The following MAGI2 variants were observed in gnomAD, a reference collection of about 807,000 sequenced individuals.
MAGI2 encodes membrane associated guanylate kinase, WW and PDZ domain containing 2.
MAGI2 carries 35 observed loss-of-function variants against 133.3 expected under a neutral mutation model. The observed-to-expected ratio is 0.26, with a 90% CI of 0.20 to 0.35. The LOEUF is 0.35. Ranked by LOEUF, MAGI2 falls within the 10% of genes least tolerant of loss-of-function variation. The probability of loss-of-function intolerance (pLI) is 1.00; values close to 1 mark genes in which losing one functional copy is unlikely to be tolerated. For missense variants in MAGI2, 1,636 were observed against 1,863.4 expected (o/e 0.88, Z 2.25); for synonymous variants, 729 against 710.6 (o/e 1.03, Z -0.41).
intron 16 of MAGI2, among the ~76,000 whole-genome samples, chr7:78,144,441 T>A (rs951972587): frequency 6.6e-6 from 1 of 152,220 alleles, no homozygotes; most frequent in Admixed American, 6.5e-5. Context: ...AATTTTTAGT[T>A]AAACCAGTTA....
chr7:78,195,150 T>A, intron 11 of MAGI2, 87 bp from the exon 12 acceptor site: 1 of 1,123,328 alleles, frequency 8.9e-7, no homozygotes, highest in Non-Finnish European at 1.2e-6. Context: ...CTTTTTTGCC[T>A]TGTGGACTTT....
chr7:78,682,991 G>C (rs1815860998), intron 2 of MAGI2, among the ~76,000 whole-genome samples: 1 of 152,130 alleles, frequency 6.6e-6, no homozygotes, highest in Admixed American at 6.6e-5. Flanking sequence ...ATAATAAGTA[G>C]ATTATTGCTA....
At chr7:78,776,552 C>A (rs1826003763) in intron 2 of MAGI2, among the ~76,000 whole-genome samples, 2 of 152,182 alleles carry the variant, frequency 1.3e-5, no homozygotes, top group African/African-American at 4.8e-5. Flanking sequence ...TACCTATAAA[C>A]AAGTCTTTTT....
chr7:78,868,759 A>T (rs56055591), intron 2 of MAGI2, among the ~76,000 whole-genome samples: 1 of 107,470 alleles, frequency 9.3e-6, no homozygotes, highest in Non-Finnish European at 2.1e-5. Context: ...GAAGTAATAC[A>T]TACTTTTTTT....
At chr7:78,463,962 AG>A (rs1444732243) in intron 6 of MAGI2, among the ~76,000 whole-genome samples, 1 of 152,162 alleles carries the variant, frequency 6.6e-6, no homozygotes, top group Non-Finnish European at 1.5e-5. Context: ...CAGATGAACA[AG>A]AGTGAGTTAA....
chr7:78,850,489 C>G (rs1465417118), intron 2 of MAGI2, among the ~76,000 whole-genome samples: 1 of 152,122 alleles, frequency 6.6e-6, no homozygotes, highest in Non-Finnish European at 1.5e-5. Flanking sequence ...TAGCAGCTGA[C>G]AGCTGGCTAA....
chr7:79,349,813 AT>A (rs1371146899), intron 1 of MAGI2, among the ~76,000 whole-genome samples: 1 of 151,982 alleles, frequency 6.6e-6, no homozygotes, highest in Non-Finnish European at 1.5e-5. Flanking sequence ...TTTAGAGCCA[AT>A]TATTTTGACT....
At chr7:78,973,272 T>C (rs1465612335) in intron 2 of MAGI2, among the ~76,000 whole-genome samples, 1 of 151,968 alleles carries the variant, frequency 6.6e-6, no homozygotes, top group African/African-American at 2.4e-5. Flanking sequence ...TATGTCCTTC[T>C]AGGTATAACT....
Position 78,127,188 on chromosome 7 carries a change from A to C in MAGI2, c.3423+9T>G, listed in dbSNP as rs765765464. The stretch of plus-strand genomic sequence containing the variant: ...GTCAGGACCCACCCTGCTCTCCGGG[A>C]GGAGGTACCTGGGGTTGTCTGTAGT... On this transcript the variant is annotated intron_variant, in intron 19 of 21. Coordinates refer to ENST00000354212, the MANE Select transcript of MAGI2 (RefSeq NM_012301.4). The C allele has an allele frequency of 1.2e-5, 18 of 1,555,070 alleles. No individual in the cohort carries two copies. Among genetic ancestry groups the C allele is most frequent in the Admixed American group, 8.1e-5 (4 of 49,658 alleles).
intron 3 of MAGI2, among the ~76,000 whole-genome samples, chr7:78,573,375 T>TAA (rs1278526380): frequency 6.1e-4 from 9 of 14,872 alleles, no homozygotes; most frequent in African/African-American, 1.6e-3. Context: ...AATATATATA[T>TAA]ATATATATAT....
intron 21 of MAGI2, among the ~76,000 whole-genome samples, chr7:78,045,605 G>T (rs1811337757): frequency 6.6e-6 from 1 of 152,116 alleles, no homozygotes; most frequent in African/African-American, 2.4e-5. Flanking sequence ...GAATAATGAT[G>T]GCGTTTTCAT....
intron 1 of MAGI2, among the ~76,000 whole-genome samples, chr7:79,203,174 G>A (rs1345949026): frequency 3.9e-4 from 60 of 151,950 alleles, no homozygotes; most frequent in Admixed American, 3.9e-3. Context: ...ACTAACACTA[G>A]TACACACTAC....
chr7:78,574,472 C>A (rs1045473315), intron 3 of MAGI2, among the ~76,000 whole-genome samples: 7 of 152,212 alleles, frequency 4.6e-5, no homozygotes, highest in African/African-American at 1.7e-4. Flanking sequence ...AGAAATTAAA[C>A]ACATGTGTTC....
Position 78,044,227 on chromosome 7 carries a change from G to A in MAGI2, c.3707-24251C>T, listed in dbSNP as rs1454107964. ...CCTATAGCATTCTCTCACTTTTTAA[G>A]TTTGTCATCCATTATTTCTAAGTAG... On this transcript the variant is annotated intron_variant, in intron 21 of 21. Coordinates refer to ENST00000354212, the MANE Select transcript of MAGI2 (RefSeq NM_012301.4). 2.0e-5 allele frequency among the ~76,000 whole-genome samples: 3 copies of A among 152,072 alleles called. No homozygotes were observed. In the East Asian group the frequency reaches 5.8e-4, roughly 29 times the overall value.
intron 6 of MAGI2, among the ~76,000 whole-genome samples, chr7:78,413,191 T>A (rs1798010951): frequency 6.6e-6 from 1 of 152,114 alleles, no homozygotes; most frequent in South Asian, 2.1e-4. Flanking sequence ...CTTCTCTTTC[T>A]AGGTTTTGCA....
intron 3 of MAGI2, among the ~76,000 whole-genome samples, chr7:78,608,917 A>G (rs1349258356): frequency 1.3e-5 from 2 of 152,272 alleles, no homozygotes; most frequent in African/African-American, 2.4e-5. Context: ...GGAGTTTATT[A>G]AGCATTAACT....
At chr7:79,022,822 C>T (rs1809480748) in intron 1 of MAGI2, among the ~76,000 whole-genome samples, 1 of 152,078 alleles carries the variant, frequency 6.6e-6, no homozygotes, top group African/African-American at 2.4e-5. Context: ...AATACCTGAA[C>T]AGACCAATAA....
chr7:78,116,106 A>G (rs1029826987), intron 20 of MAGI2, among the ~76,000 whole-genome samples: 2 of 152,246 alleles, frequency 1.3e-5, no homozygotes, highest in African/African-American at 4.8e-5. Flanking sequence ...TGAAAGACTG[A>G]AATCTTGTGG....
chr7:79,171,743 A>AATATATAT (rs34570751), intron 1 of MAGI2, among the ~76,000 whole-genome samples: 28 of 29,572 alleles, frequency 9.5e-4, no homozygotes, highest in Admixed American at 1.4e-3. Flanking sequence ...AATAGCCAAA[A>AATATATAT]ATATATATAT....
Sources: allele counts gnomAD v4.1 joint callset (sites outside exome capture counted in the v4.1 genomes callset), GRCh38; gene constraint gnomAD v4.1.1; transcripts MANE v1.5; gene names NCBI Gene and HGNC (gene_info 2026-07-23, HGNC 2026-07-21).